The following PTPN3 variants were observed in gnomAD, a reference collection of about 807,000 sequenced individuals.
PTPN3 encodes tyrosine-protein phosphatase non-receptor type 3.
A neutral mutation model predicts 132.7 loss-of-function variants in PTPN3; 96 were observed. That is an observed-to-expected ratio of 0.72 (90% CI 0.61 to 0.86). PTPN3 has a LOEUF of 0.86. Ranked by LOEUF, PTPN3 falls within the 40% of genes least tolerant of loss-of-function variation. PTPN3 has a pLI of 0.00. For missense variants in PTPN3, 1,125 were observed against 1,159.6 expected (o/e 0.97, Z 0.43); for synonymous variants, 398 against 429.0 (o/e 0.93, Z 0.89).
chr9:109,427,167 G>T lies in PTPN3; in HGVS notation c.829-45C>A, dbSNP rs182480560. On this transcript the variant is annotated intron_variant, in intron 11 of 25. Coordinates refer to ENST00000374541, the MANE Select transcript of PTPN3 (RefSeq NM_002829.4). Reference sequence around the variant, plus strand: ...AGATTTCACCCACACAGACATAGGAGCAGGGACTTGTAAGCATTTAACCCA... The same window carrying T: ...AGATTTCACCCACACAGACATAGGATCAGGGACTTGTAAGCATTTAACCCA... The T allele has an allele frequency of 1.5e-4, 235 of 1,590,302 alleles. 1 individual carries two copies. The highest frequency in any genetic ancestry group is 1.9e-4 in the Non-Finnish European group (225 of 1,162,930).
intron 19 of PTPN3, chr9:109,392,639 T>C (rs1840224457): frequency 6.6e-6 from 1 of 152,202 alleles, no homozygotes; most frequent in African/African-American, 2.4e-5. Flanking sequence ...GGTCTCTCTT[T>C]GTTGCCCAGG....
At chr9:109,516,364 A>G in the PTPN3 span, among the ~76,000 whole-genome samples, 28 of 152,226 alleles carry the variant, frequency 1.8e-4, no homozygotes, top group African/African-American at 5.8e-4. Context: ...GGGAGTGGAG[A>G]CTAATCCTGT....
At chr9:109,534,257 T>C in the PTPN3 span, 2 of 1,522,424 alleles carry the variant, frequency 1.3e-6, no homozygotes, top group Non-Finnish European at 1.8e-6. Context: ...CCGGGCGTGG[T>C]GTCACCGGCG....
At chr9:109,401,451 C>A (rs1841092306) in intron 19 of PTPN3, among the ~76,000 whole-genome samples, 3 of 152,206 alleles carry the variant, frequency 2.0e-5, no homozygotes, top group Non-Finnish European at 2.9e-5. Flanking sequence ...AGGTAGGGGA[C>A]AGGGTGGGTA....
chr9:109,534,052 T>C, the PTPN3 span: 1 of 770,322 alleles, frequency 1.3e-6, no homozygotes, highest in East Asian at 2.5e-5. Context: ...GGGGTTATTC[T>C]TCGTTTTGGC....
chr9:109,495,417 A>C (rs1847629743), intron 1 of PTPN3, among the ~76,000 whole-genome samples: 1 of 152,124 alleles, frequency 6.6e-6, no homozygotes, highest in South Asian at 2.1e-4. Context: ...ACTCCCTCCC[A>C]TCCCCAAAGC....
At chr9:109,532,907 T>C in the PTPN3 span, 1 of 1,023,768 alleles carries the variant, frequency 9.8e-7, no homozygotes, top group East Asian at 4.0e-5. Flanking sequence ...TGCTTTTGTC[T>C]CTTTGCCACC....
At chr9:109,454,232 G>T (rs1443208192) in intron 5 of PTPN3, among the ~76,000 whole-genome samples, 1 of 152,110 alleles carries the variant, frequency 6.6e-6, no homozygotes, top group Non-Finnish European at 1.5e-5. Context: ...GGTGGAAGGA[G>T]GTGGGAGAGG....
At chr9:109,417,727 A>T in intron 14 of PTPN3, 1 of 985,242 alleles carries the variant, frequency 1.0e-6, no homozygotes, top group Non-Finnish European at 1.2e-6. Flanking sequence ...TGTTCATCCC[A>T]CTTGCAGAGC....
rs10116806 is a variant in PTPN3, at chr9:109,383,518, C to T, written c.2287G>A (p.Asp763Asn). 1.8e-3 allele frequency: 2,937 copies of T among 1,613,960 alleles called. 47 individuals are homozygous for T. The African/African-American group carries it at 0.035, about 19-fold the overall frequency. ...KCHQYWPDPPDVMNHGGFHIQ... is the reference protein window; with the variant it reads ...KCHQYWPDPPNVMNHGGFHIQ... Reference sequence around the variant, plus strand: ...TGAAAGCCGCCGTGGTTCATGACGTCGGGGGGATCTGGCCAGTACTGGTGA... The same window carrying T: ...TGAAAGCCGCCGTGGTTCATGACGTTGGGGGGATCTGGCCAGTACTGGTGA... The change falls in exon 23 of 26, where the codon GAC (aspartate) becomes AAC (asparagine). Residue 763 changes from aspartate to asparagine, a missense_variant. Coordinates refer to ENST00000374541, the MANE Select transcript of PTPN3 (RefSeq NM_002829.4).
At chr9:109,392,069 C>T (rs1840170014) in intron 19 of PTPN3, among the ~76,000 whole-genome samples, 1 of 152,132 alleles carries the variant, frequency 6.6e-6, no homozygotes. Flanking sequence ...TACAGAGGTA[C>T]TTCCCTACAC....
chr9:109,472,334 AC>A (rs1325621239), intron 1 of PTPN3, among the ~76,000 whole-genome samples: 4 of 152,376 alleles, frequency 2.6e-5, no homozygotes, highest in African/African-American at 9.6e-5. Flanking sequence ...CGTTGAGTCA[AC>A]CAGCACTTTC....
chr9:109,392,158 T>A (rs997776129), intron 19 of PTPN3, among the ~76,000 whole-genome samples: 1 of 152,240 alleles, frequency 6.6e-6, no homozygotes, highest in African/African-American at 2.4e-5. Flanking sequence ...TTGTATGGTA[T>A]CTGATGTGAT....
chr9:109,391,603 AGAT>A, intron 19 of PTPN3, 42 bp from the exon 20 acceptor site: 1 of 1,487,474 alleles, frequency 6.7e-7, no homozygotes, highest in Non-Finnish European at 9.3e-7. Flanking sequence ...TGCAAAAATC[AGAT>A]GAAGAAAGTG....
chr9:109,436,306 T>C (rs1446987631), intron 9 of PTPN3, among the ~76,000 whole-genome samples: 12 of 152,306 alleles, frequency 7.9e-5, no homozygotes, highest in Admixed American at 7.2e-4. Flanking sequence ...AGTTTCTCCA[T>C]CTGTAAAATG....
intron 1 of PTPN3, among the ~76,000 whole-genome samples, chr9:109,472,486 T>C (rs2132076254): frequency 6.6e-6 from 1 of 152,352 alleles, no homozygotes; most frequent in East Asian, 1.9e-4. Context: ...TTAATGAAAT[T>C]CAGCCCAACT....
At chr9:109,517,534 TG>T in the PTPN3 span, among the ~76,000 whole-genome samples, 2 of 152,234 alleles carry the variant, frequency 1.3e-5, no homozygotes, top group African/African-American at 4.8e-5. Context: ...TAAAATCAGC[TG>T]GGGAAATGTC....
chr9:109,438,220 A>G lies in PTPN3; in HGVS notation c.481T>C (p.Tyr161His), dbSNP rs1438319042. Residue 161 changes from tyrosine (Y) to histidine (H), a missense_variant, in exon 8 of 26, where the codon TAT becomes CAT. Coordinates refer to ENST00000374541, the MANE Select transcript of PTPN3 (RefSeq NM_002829.4). The stretch of plus-strand genomic sequence containing the variant: ...CCTGGATGATGTATGGAAGAATTAT[A>G]GTCTCCAAAATGAGCTATCAAGACA... The part of the protein sequence containing the change: ...SYAVQSHFGD[Y>H]NSSIHHPGYL... 3.1e-6 allele frequency: 5 copies of G among 1,612,912 alleles called. No individual in the cohort carries two copies. Among genetic ancestry groups the G allele is most frequent in the Non-Finnish European group, 3.4e-6 (4 of 1,179,410 alleles).
Position 109,441,360 on chromosome 9 carries a change from A to G in PTPN3, c.467-3126T>C, listed in dbSNP as rs114856171. On this transcript the variant is annotated intron_variant, in intron 7 of 25. Coordinates refer to ENST00000374541, the MANE Select transcript of PTPN3 (RefSeq NM_002829.4). ...GCATTTCAAGCTGCCCGGCTGTTGT[A>G]CTTGGAAAGACTTTTACCTGCTATT... Among the ~76,000 whole-genome samples the G allele has an allele frequency of 9.5e-3, 1,452 of 152,294 alleles. 20 individuals are homozygous for G. The highest frequency in any genetic ancestry group is 0.032 in the African/African-American group (1,347 of 41,558).
Sources: gnomAD v4.1 joint callset for allele counts (sites outside exome capture counted in the v4.1 genomes callset) on GRCh38, gnomAD v4.1.1 for gene constraint, MANE v1.5 for transcripts, NCBI Gene and HGNC (gene_info 2026-07-23, HGNC 2026-07-21) for gene names.